The following TMPRSS15 variants were observed in gnomAD, a reference collection of about 807,000 sequenced individuals.
TMPRSS15 encodes the protein transmembrane serine protease 15.
A neutral mutation model predicts 125.3 loss-of-function variants in TMPRSS15; 128 were observed. The ratio of observed to expected loss-of-function variants is 1.02; its 90% CI spans 0.89 to 1.18. TMPRSS15 has a LOEUF of 1.18. Among genes scored for constraint, TMPRSS15 ranks in the 50% most tolerant of loss-of-function variants. The pLI is 0.00. For missense variants in TMPRSS15, 1,283 were observed against 1,212.7 expected (o/e 1.06, Z -0.86); for synonymous variants, 446 against 423.2 (o/e 1.05, Z -0.66).
chr21:18,338,315 T>C (rs1226250220), intron 13 of TMPRSS15, among the ~76,000 whole-genome samples: 1 of 152,064 alleles, frequency 6.6e-6, no homozygotes, highest in East Asian at 1.9e-4. Context: ...TATGAATAAA[T>C]AGGGGAACAA....
intron 1 of TMPRSS15, among the ~76,000 whole-genome samples, chr21:18,472,961 A>C: frequency 6.6e-6 from 1 of 152,180 alleles, no homozygotes; most frequent in East Asian, 1.9e-4. Context: ...TAACTACTAC[A>C]AGATGGATGT....
At chr21:18,480,980 A>C (rs1978970113) in intron 1 of TMPRSS15, among the ~76,000 whole-genome samples, 1 of 151,834 alleles carries the variant, frequency 6.6e-6, no homozygotes, top group Non-Finnish European at 1.5e-5. Context: ...AGTCATTGAT[A>C]ACTCCACTAA....
intron 1 of TMPRSS15, among the ~76,000 whole-genome samples, chr21:18,474,287 A>G (rs542638580): frequency 2.7e-5 from 4 of 150,092 alleles, no homozygotes; most frequent in South Asian, 2.1e-4. Context: ...AAAGATATAC[A>G]TTTTGCTATT....
intron 18 of TMPRSS15, among the ~76,000 whole-genome samples, chr21:18,308,870 C>T (rs1056954360): frequency 7.2e-5 from 11 of 152,108 alleles, no homozygotes; most frequent in African/African-American, 2.2e-4. Context: ...TGTTAGTTTG[C>T]TGAGAATGAT....
rs373231789 is a variant in TMPRSS15 at position 18,426,633 on chromosome 21, TTAA to T, written c.11-28307_11-28305del. Among the ~76,000 whole-genome samples, 1,457 of 152,282 alleles carry T rather than the reference TTAA, an allele frequency of 9.6e-3. 31 individuals are homozygous for T. Among genetic ancestry groups the T allele is most frequent in the African/African-American group, 0.034 (1,402 of 41,554 alleles). The stretch of plus-strand genomic sequence containing the variant: ...AAAAAGCTATTTGTTTTAGCCACAG[TTAA>T]TAGAGGACTTTAGTAATGTCAACAA... On this transcript the variant is annotated intron_variant, in intron 1 of 7. Coordinates refer to the TMPRSS15 transcript ENST00000422787.
chr21:18,292,634 G>A (rs2074852318), intron 21 of TMPRSS15, among the ~76,000 whole-genome samples: 2 of 152,168 alleles, frequency 1.3e-5, no homozygotes, highest in Admixed American at 1.3e-4. Context: ...ACATTAAACA[G>A]GAATTTGCCA....
At chr21:18,288,528 C>CTTTTTTTTTT (rs149147539) in intron 21 of TMPRSS15, among the ~76,000 whole-genome samples, 1 of 96,936 alleles carries the variant, frequency 1.0e-5, no homozygotes, top group African/African-American at 4.0e-5. Flanking sequence ...AATGCTCTTC[C>CTTTTTTTTTT]TTTTTTTTTT....
At chr21:18,409,570 G>T (rs1263181022) in intron 1 of TMPRSS15, among the ~76,000 whole-genome samples, 1 of 151,912 alleles carries the variant, frequency 6.6e-6, no homozygotes, top group Non-Finnish European at 1.5e-5. Context: ...ATGTTCAACT[G>T]TGTATTTCTG....
intron 1 of TMPRSS15, among the ~76,000 whole-genome samples, chr21:18,461,324 T>C (rs1441690860): frequency 6.6e-6 from 1 of 152,206 alleles, no homozygotes; most frequent in Non-Finnish European, 1.5e-5. Flanking sequence ...CTTGAAGAAA[T>C]GGATTTGAGA....
At chr21:18,319,357 A>T (rs945456814) in intron 16 of TMPRSS15, among the ~76,000 whole-genome samples, 1 of 152,024 alleles carries the variant, frequency 6.6e-6, no homozygotes, top group Non-Finnish European at 1.5e-5. Flanking sequence ...ATATACAGAG[A>T]ATACGCAGTA....
chr21:18,442,936 G>T (rs1229520793), intron 1 of TMPRSS15, among the ~76,000 whole-genome samples: 1 of 152,176 alleles, frequency 6.6e-6, no homozygotes, highest in Admixed American at 6.5e-5. Flanking sequence ...AAGGTATTAG[G>T]AAGTGATTAC....
chr21:18,364,781 G>T (rs2075710056), intron 7 of TMPRSS15, among the ~76,000 whole-genome samples: 1 of 152,136 alleles, frequency 6.6e-6, no homozygotes, highest in Non-Finnish European at 1.5e-5. Context: ...AAATGAGAAA[G>T]AAAATATTTT....
intron 1 of TMPRSS15, among the ~76,000 whole-genome samples, chr21:18,470,672 CTGT>C (rs1295357740): frequency 6.6e-6 from 1 of 152,008 alleles, no homozygotes. Context: ...TTTCTTTCCT[CTGT>C]TGTTGCAATT....
intron 18 of TMPRSS15, among the ~76,000 whole-genome samples, chr21:18,305,256 T>C (rs988802657): frequency 2.9e-5 from 4 of 140,004 alleles, no homozygotes; most frequent in Non-Finnish European, 4.5e-5. Flanking sequence ...TGGCGCGATC[T>C]CGGCTCACTG....
intron 1 of TMPRSS15, among the ~76,000 whole-genome samples, chr21:18,473,169 G>A (rs1445877635): frequency 3.3e-5 from 5 of 152,060 alleles, no homozygotes; most frequent in African/African-American, 7.2e-5. Context: ...TCTTTATGCT[G>A]GGATGGATTT....
At chr21:18,277,056 G>A (rs114960137) in intron 23 of TMPRSS15, among the ~76,000 whole-genome samples, 3,739 of 152,046 alleles carry the variant, frequency 0.025, 147 homozygotes, top group African/African-American at 0.084. Context: ...ATGAGCCACC[G>A]CACCCGGCCA....
chr21:18,305,211 C>T (rs540945490), intron 18 of TMPRSS15, among the ~76,000 whole-genome samples: 10 of 37,750 alleles, frequency 2.6e-4, no homozygotes, highest in East Asian at 1.5e-3. Context: ...TTTTTTGAGA[C>T]GGAGTCTCCC....
At chr21:18,443,258 A>G (rs1050078362) in intron 1 of TMPRSS15, among the ~76,000 whole-genome samples, 5 of 152,190 alleles carry the variant, frequency 3.3e-5, no homozygotes, top group African/African-American at 1.2e-4. Flanking sequence ...GCTGGTGAAC[A>G]CTGACTCTGC....
Position 18,270,083 on chromosome 21 carries a change from C to T in TMPRSS15, c.2946G>A (p.Arg982=). 2 of 1,613,968 alleles carry T rather than the reference C, an allele frequency of 1.2e-6. No homozygotes were observed. The highest frequency in any genetic ancestry group is 1.7e-6 in the Non-Finnish European group (2 of 1,179,926). The change falls in exon 25 of 25, where the codon AGG becomes AGA. Residue 982 remains arginine, a synonymous_variant. Coordinates refer to ENST00000284885, the MANE Select transcript of TMPRSS15 (RefSeq NM_002772.3). ...ATGAGGTCACACCAGCAAGGAACCA[C>T]CTGTTGTTTTCTTGGCACATTAATG... ...GGPLMCQENN[R]WFLAGVTSFG... is the part of the protein sequence containing the mutation.
Sources: allele counts gnomAD v4.1 joint callset (sites outside exome capture counted in the v4.1 genomes callset), GRCh38; gene constraint gnomAD v4.1.1; transcripts MANE v1.5; gene names NCBI Gene and HGNC (gene_info 2026-07-23, HGNC 2026-07-21).